SEMA3D: variants seen among roughly 807,000 people sequenced by gnomAD.
SEMA3D encodes semaphorin 3D.
Under a neutral mutation model 100.1 loss-of-function variants are expected in SEMA3D, and 84 were observed. The ratio of observed to expected loss-of-function variants is 0.84; its 90% CI spans 0.70 to 1.01. The LOEUF is 1.01. SEMA3D is among the 50% of genes least tolerant of loss of function. SEMA3D has a pLI of 0.00. For missense variants in SEMA3D, 875 were observed against 934.1 expected (o/e 0.94, Z 0.82); for synonymous variants, 312 against 320.7 (o/e 0.97, Z 0.29).
At chr7:85,206,048 A>C in the SEMA3D span, among the ~76,000 whole-genome samples, 4 of 152,070 alleles carry the variant, frequency 2.6e-5, no homozygotes, top group Non-Finnish European at 5.9e-5. Flanking sequence ...AGTTCCGTGA[A>C]AACTAATGTT....
At chr7:85,111,165 G>T (rs180845611) in intron 3 of SEMA3D, among the ~76,000 whole-genome samples, 4 of 152,084 alleles carry the variant, frequency 2.6e-5, no homozygotes, top group Admixed American at 2.6e-4. Flanking sequence ...TATACCAGAA[G>T]CCAATCTTTT....
intron 2 of SEMA3D, among the ~76,000 whole-genome samples, chr7:85,137,125 A>G (rs970102841): frequency 6.6e-6 from 1 of 152,016 alleles, no homozygotes; most frequent in Non-Finnish European, 1.5e-5. Flanking sequence ...TTTTTCAGGG[A>G]TCAATGTTAT....
intron 2 of SEMA3D, among the ~76,000 whole-genome samples, chr7:85,146,326 G>A (rs775832560): frequency 2.0e-5 from 3 of 151,946 alleles, no homozygotes; most frequent in Admixed American, 6.6e-5. Flanking sequence ...AGGCTGAGGC[G>A]GGTAGATTAC....
chr7:85,013,570 T>C (rs1487323855), intron 16 of SEMA3D, among the ~76,000 whole-genome samples: 1 of 151,760 alleles, frequency 6.6e-6, no homozygotes, highest in African/African-American at 2.4e-5. Flanking sequence ...ATACTTTCAT[T>C]TGCTTTGGCT....
chr7:85,037,572 T>C (rs1790736227), intron 11 of SEMA3D, among the ~76,000 whole-genome samples: 1 of 152,152 alleles, frequency 6.6e-6, no homozygotes, highest in Non-Finnish European at 1.5e-5. Flanking sequence ...CCATAAACAT[T>C]AGTTGCTAAA....
At chr7:85,016,864 C>T (rs1266507036) in intron 15 of SEMA3D, among the ~76,000 whole-genome samples, 2 of 149,320 alleles carry the variant, frequency 1.3e-5, no homozygotes, top group African/African-American at 5.0e-5. Context: ...AAGGTATCCT[C>T]CCATTCTAGG....
intron 2 of SEMA3D, among the ~76,000 whole-genome samples, chr7:85,125,002 G>A (rs141302503): frequency 3.3e-5 from 5 of 152,080 alleles, no homozygotes; most frequent in East Asian, 1.9e-4. Context: ...TTAGCAAAGC[G>A]CTGATATCTG....
intron 17 of SEMA3D, among the ~76,000 whole-genome samples, chr7:85,011,292 C>T (rs1789946495): frequency 6.6e-6 from 1 of 151,592 alleles, no homozygotes; most frequent in African/African-American, 2.4e-5. Context: ...GAAAATTGGC[C>T]GTTGGATTTG....
At chr7:85,188,739 CTCTTT>C (rs892324585), upstream of SEMA3D, among the ~76,000 whole-genome samples, 16 of 152,126 alleles carry the variant, frequency 1.1e-4, no homozygotes, top group Admixed American at 2.6e-4. Flanking sequence ...TTCCTCCTTT[CTCTTT>C]TAAGTTGTAG....
intron 3 of SEMA3D, among the ~76,000 whole-genome samples, chr7:85,103,605 ACC>A (rs1788816011): frequency 3.3e-5 from 5 of 151,684 alleles, no homozygotes; most frequent in Admixed American, 2.0e-4. Context: ...ATCTCCCTAA[ACC>A]TTTGACCTAA....
the SEMA3D span, among the ~76,000 whole-genome samples, chr7:85,209,340 C>T: frequency 6.6e-6 from 1 of 151,672 alleles, no homozygotes; most frequent in South Asian, 2.1e-4. Flanking sequence ...ACAACCGGTG[C>T]TATAGAACTA....
At chr7:85,065,773 C>A (rs1363582514) in intron 7 of SEMA3D, among the ~76,000 whole-genome samples, 1 of 152,118 alleles carries the variant, frequency 6.6e-6, no homozygotes, top group Non-Finnish European at 1.5e-5. Flanking sequence ...TATAAACAGG[C>A]CAAATTCTCT....
intron 3 of SEMA3D, among the ~76,000 whole-genome samples, chr7:85,106,422 G>A (rs1788924943): frequency 6.6e-6 from 1 of 151,862 alleles, no homozygotes; most frequent in South Asian, 2.1e-4. Context: ...AATATGACAA[G>A]ACAAATAATT....
chr7:85,075,696 TGA>T (rs1791903180), intron 5 of SEMA3D, among the ~76,000 whole-genome samples: 1 of 152,214 alleles, frequency 6.6e-6, no homozygotes, highest in Admixed American at 6.5e-5. Context: ...GTAGGGAATT[TGA>T]GAGAGGATAG....
chr7:85,042,989 T>TC (rs1790904848), intron 9 of SEMA3D, among the ~76,000 whole-genome samples: 2 of 152,172 alleles, frequency 1.3e-5, no homozygotes, highest in African/African-American at 2.4e-5. Context: ...TAGCAATATG[T>TC]CTCTTTATAG....
intron 6 of SEMA3D, among the ~76,000 whole-genome samples, chr7:85,070,117 T>C (rs1218676668): frequency 6.6e-6 from 1 of 152,224 alleles, no homozygotes; most frequent in Non-Finnish European, 1.5e-5. Flanking sequence ...CATACAGCCA[T>C]GGAGTTAGTA....
At chr7:85,193,888 ACG>A in the SEMA3D span, among the ~76,000 whole-genome samples, 13 of 146,988 alleles carry the variant, frequency 8.8e-5, no homozygotes, top group African/African-American at 3.3e-4. Context: ...AAAAAAAAAA[ACG>A]CAGTTTAAAG....
At chr7:85,227,582 T>A in the SEMA3D span, among the ~76,000 whole-genome samples, 1 of 152,158 alleles carries the variant, frequency 6.6e-6, no homozygotes, top group African/African-American at 2.4e-5. Flanking sequence ...ACCCAGTTAA[T>A]AGTATTTTGT....
intron 18 of SEMA3D, among the ~76,000 whole-genome samples, chr7:85,002,803 A>T (rs1789689404): frequency 6.6e-6 from 1 of 152,142 alleles, no homozygotes; most frequent in South Asian, 2.1e-4. Flanking sequence ...GTGAAGGGCA[A>T]TTCATCTAAC....
Sources: gnomAD v4.1 joint callset for allele counts (sites outside exome capture counted in the v4.1 genomes callset) on GRCh38, gnomAD v4.1.1 for gene constraint, MANE v1.5 for transcripts, NCBI Gene and HGNC (gene_info 2026-07-23, HGNC 2026-07-21) for gene names.